The following CDH18 variants were observed in gnomAD, a reference collection of about 807,000 sequenced individuals.
The protein encoded by CDH18 is cadherin 18.
Under a neutral mutation model 67.9 loss-of-function variants are expected in CDH18, and 31 were observed. The ratio of observed to expected loss-of-function variants is 0.46; its 90% CI spans 0.34 to 0.62. The LOEUF (loss-of-function observed/expected upper bound fraction) is 0.62, where lower values mean the gene tolerates loss of function less well. Among genes scored for constraint, CDH18 ranks in the 20% least tolerant of loss-of-function variants. The probability of loss-of-function intolerance (pLI) is 0.01; values close to 1 mark genes in which losing one functional copy is unlikely to be tolerated. For synonymous variants in CDH18, 362 were observed against 347.2 expected (o/e 1.04, Z -0.48); for missense variants, 890 against 975.5 (o/e 0.91, Z 1.17).
intron 9 of CDH18, among the ~76,000 whole-genome samples, chr5:19,533,060 A>G (rs1409203703): frequency 6.6e-6 from 1 of 152,192 alleles, no homozygotes; most frequent in African/African-American, 2.4e-5. Context: ...TTTGAGAGCT[A>G]TCCAATCCAT....
intron 1 of CDH18, among the ~76,000 whole-genome samples, chr5:19,986,894 T>C (rs1407334963): frequency 2.6e-5 from 4 of 152,188 alleles, no homozygotes; most frequent in Admixed American, 1.3e-4. Flanking sequence ...CAAAGTCCCC[T>C]GCTTTGAAAA....
intron 4 of CDH18, among the ~76,000 whole-genome samples, chr5:19,742,989 T>C (rs1451703424): frequency 6.6e-6 from 1 of 152,224 alleles, no homozygotes; most frequent in Non-Finnish European, 1.5e-5. Context: ...AACCACTTAT[T>C]CCTTTCATAC....
intron 5 of CDH18, among the ~76,000 whole-genome samples, chr5:19,687,412 G>A (rs913360243): frequency 2.6e-5 from 4 of 152,152 alleles, no homozygotes; most frequent in African/African-American, 9.7e-5. Flanking sequence ...TTCACACAGA[G>A]GACTACAGTG....
At chr5:19,867,363 A>G (rs1420565276) in intron 2 of CDH18, among the ~76,000 whole-genome samples, 1 of 152,228 alleles carries the variant, frequency 6.6e-6, no homozygotes, top group African/African-American at 2.4e-5. Context: ...GGAATTAGAT[A>G]TACAGATATA....
At chr5:20,097,015 T>C (rs1561787866) in intron 2 of CDH18, among the ~76,000 whole-genome samples, 2 of 152,196 alleles carry the variant, frequency 1.3e-5, no homozygotes. Flanking sequence ...TTTTCAATAG[T>C]ATATTTAGTC....
intron 1 of CDH18, among the ~76,000 whole-genome samples, chr5:20,575,245 T>A (rs570411523): frequency 8.2e-4 from 124 of 151,498 alleles, no homozygotes; most frequent in Middle Eastern, 3.4e-3. Context: ...TGACCTTATT[T>A]TTGAAAAAAA....
At chr5:20,484,717 T>C (rs1455582698) in intron 1 of CDH18, among the ~76,000 whole-genome samples, 1 of 152,066 alleles carries the variant, frequency 6.6e-6, no homozygotes, top group Non-Finnish European at 1.5e-5. Context: ...GTTCCAGATG[T>C]TCTCAATTAT....
intron 3 of CDH18, among the ~76,000 whole-genome samples, chr5:19,806,140 T>C (rs1778010293): frequency 1.3e-5 from 2 of 152,172 alleles, no homozygotes; most frequent in South Asian, 4.1e-4. Flanking sequence ...AACAAACACA[T>C]TTTACCAGCC....
chr5:19,860,421 TTTC>T (rs980512872), intron 2 of CDH18, among the ~76,000 whole-genome samples: 10 of 151,656 alleles, frequency 6.6e-5, no homozygotes, highest in African/African-American at 1.2e-4. Flanking sequence ...ATTGCCTTCT[TTTC>T]TTCTTCTTCT....
At chr5:20,520,851 T>C (rs1755701892) in intron 1 of CDH18, among the ~76,000 whole-genome samples, 1 of 152,124 alleles carries the variant, frequency 6.6e-6, no homozygotes, top group Non-Finnish European at 1.5e-5. Flanking sequence ...AATATACAAA[T>C]ATAAGAATCA....
intron 1 of CDH18, among the ~76,000 whole-genome samples, chr5:20,363,908 G>A (rs1742305979): frequency 6.6e-6 from 1 of 151,940 alleles, no homozygotes; most frequent in Non-Finnish European, 1.5e-5. Flanking sequence ...CCATGAGTCA[G>A]GCACTACCAT....
At chr5:19,748,051 T>G (rs1219273896) in intron 3 of CDH18, among the ~76,000 whole-genome samples, 2 of 130,220 alleles carry the variant, frequency 1.5e-5, no homozygotes, top group Non-Finnish European at 3.1e-5. Context: ...AGGCGGAGCT[T>G]GCAGTGAGCC....
intron 5 of CDH18, among the ~76,000 whole-genome samples, chr5:19,656,230 G>T (rs575032152): frequency 2.0e-5 from 3 of 151,822 alleles, no homozygotes; most frequent in Non-Finnish European, 4.4e-5. Flanking sequence ...TGACTGCCAG[G>T]ATATCATATT....
At chr5:19,667,297 T>C (rs1758093821) in intron 5 of CDH18, among the ~76,000 whole-genome samples, 1 of 151,580 alleles carries the variant, frequency 6.6e-6, no homozygotes, top group African/African-American at 2.4e-5. Flanking sequence ...AAAATTGCAG[T>C]TGAACAAATT....
chr5:20,245,421 C>G (rs538894355), intron 2 of CDH18, among the ~76,000 whole-genome samples: 10 of 152,212 alleles, frequency 6.6e-5, no homozygotes, highest in African/African-American at 2.4e-4. Context: ...AAGAAAATAG[C>G]TGTCAAACAG....
At chr5:19,938,099 G>T (rs566540766) in intron 2 of CDH18, among the ~76,000 whole-genome samples, 1 of 149,300 alleles carries the variant, frequency 6.7e-6, no homozygotes, top group African/African-American at 2.4e-5. Context: ...TTGGGAGATG[G>T]TGTTTAAAAA....
At chr5:19,478,916 C>A (rs2126547616) in intron 12 of CDH18, among the ~76,000 whole-genome samples, 1 of 152,210 alleles carries the variant, frequency 6.6e-6, no homozygotes, top group African/African-American at 2.4e-5. Flanking sequence ...TGCAATAGAC[C>A]TGAAAAAGGT....
At chr5:20,544,893 T>G (rs1757257593) in intron 1 of CDH18, among the ~76,000 whole-genome samples, 1 of 152,154 alleles carries the variant, frequency 6.6e-6, no homozygotes, top group Non-Finnish European at 1.5e-5. Flanking sequence ...AGTCCAAAGT[T>G]TCATCTGAGT....
intron 1 of CDH18, among the ~76,000 whole-genome samples, chr5:20,283,299 A>G (rs150661725): frequency 1.3e-5 from 2 of 152,138 alleles, no homozygotes; most frequent in East Asian, 3.9e-4. Context: ...AAAGAAAACA[A>G]CAAGTGGAGG....
Sources: allele counts gnomAD v4.1 joint callset (sites outside exome capture counted in the v4.1 genomes callset), GRCh38; gene constraint gnomAD v4.1.1; transcripts MANE v1.5; gene names NCBI Gene and HGNC (gene_info 2026-07-23, HGNC 2026-07-21).